The following KRABD2 variants were observed in gnomAD, a reference collection of about 807,000 sequenced individuals.
KRABD2 encodes KRAB domain containing 2, also known as KRAB domain-containing protein 2.
chr17:8,374,387 A>T, the KRABD2 span, among the ~76,000 whole-genome samples: 2 of 152,130 alleles, frequency 1.3e-5, no homozygotes, highest in East Asian at 1.9e-4. Flanking sequence ...GATTAAGGGC[A>T]GTGCAAGATG....
the KRABD2 span, chr17:8,375,886 C>T: frequency 8.1e-7 from 1 of 1,227,326 alleles, no homozygotes; most frequent in Non-Finnish European, 1.0e-6. Flanking sequence ...GCCATGTTTA[C>T]TCCCTTCACC....
chr17:8,362,020 G>A, the KRABD2 span, among the ~76,000 whole-genome samples: 1 of 152,132 alleles, frequency 6.6e-6, no homozygotes, highest in Non-Finnish European at 1.5e-5. This position sits in a 1 kb window ranked among gnomAD's most constrained non-coding sequence, Gnocchi z 4.2. Flanking sequence ...AGGATCGTAA[G>A]GATTACATAA....
chr17:8,373,591 G>A, the KRABD2 span: 3 of 178,662 alleles, frequency 1.7e-5, no homozygotes, highest in South Asian at 1.0e-4. Flanking sequence ...CTGCCCGGCT[G>A]CCACCCCGTC....
the KRABD2 span, chr17:8,369,745 T>G: frequency 3.1e-6 from 5 of 1,614,162 alleles, no homozygotes; most frequent in Non-Finnish European, 4.2e-6. Flanking sequence ...ATAATAAACT[T>G]GGTTGAGTGA....
At chr17:8,363,881 A>AT in the KRABD2 span, among the ~76,000 whole-genome samples, 722 of 63,306 alleles carry the variant, frequency 0.011, 12 homozygotes, top group African/African-American at 0.03. Context: ...TTATTTATTT[A>AT]TTTTTTAGAC....
At chr17:8,363,584 G>A in the KRABD2 span, among the ~76,000 whole-genome samples, 1 of 151,776 alleles carries the variant, frequency 6.6e-6, no homozygotes, top group African/African-American at 2.4e-5. Flanking sequence ...CTGACTTCAG[G>A]TGATCCGTCC....
At chr17:8,359,884 C>A in the KRABD2 span, 3 of 450,570 alleles carry the variant, frequency 6.7e-6, no homozygotes, top group Admixed American at 2.4e-5. Context: ...GAAAGAGAGG[C>A]AAAAACAAGA....
At chr17:8,376,418 A>T in the KRABD2 span, 1 of 1,089,716 alleles carries the variant, frequency 9.2e-7, no homozygotes, top group Non-Finnish European at 1.1e-6. Flanking sequence ...TAAGGCACTT[A>T]ATACAGTGTC....
chr17:8,375,910 T>TC, the KRABD2 span: 1 of 1,229,370 alleles, frequency 8.1e-7, no homozygotes, highest in East Asian at 3.2e-5. Flanking sequence ...CTGTGAGTCT[T>TC]CGCCTTGGCT....
the KRABD2 span, among the ~76,000 whole-genome samples, chr17:8,373,149 C>G: frequency 8.7e-5 from 13 of 150,082 alleles, no homozygotes; most frequent in African/African-American, 1.2e-4. Context: ...CTCTCTCCCT[C>G]TCTCCGTCTC....
At chr17:8,361,988 C>A in the KRABD2 span, among the ~76,000 whole-genome samples, 1 of 152,198 alleles carries the variant, frequency 6.6e-6, no homozygotes. Flanking sequence ...AAACTCATTT[C>A]TTCAGCTTCA....
the KRABD2 span, among the ~76,000 whole-genome samples, chr17:8,375,463 G>A: frequency 6.6e-6 from 1 of 152,116 alleles, no homozygotes; most frequent in Admixed American, 6.5e-5. Context: ...CCAGGACGTC[G>A]GGACCTACTA....
At chr17:8,364,745 T>A in the KRABD2 span, among the ~76,000 whole-genome samples, 4 of 151,762 alleles carry the variant, frequency 2.6e-5, no homozygotes, top group Admixed American at 1.3e-4. This position sits in a 1 kb window ranked among gnomAD's most constrained non-coding sequence, Gnocchi z 4.4. Context: ...AAAAAAAAAA[T>A]TTAAAATGCC....
chr17:8,376,229 T>C, the KRABD2 span: 731 of 1,230,780 alleles, frequency 5.9e-4, 1 homozygote, highest in Non-Finnish European at 7.1e-4. Context: ...AGGTAGGTCG[T>C]TATTAGCAAG....
the KRABD2 span, among the ~76,000 whole-genome samples, chr17:8,373,996 T>TG: frequency 6.7e-6 from 1 of 149,148 alleles, no homozygotes; most frequent in African/African-American, 2.5e-5. Context: ...ATCCAGGAGG[T>TG]GGGGGGCAGC....
the KRABD2 span, chr17:8,369,470 T>G: frequency 6.2e-7 from 1 of 1,614,100 alleles, no homozygotes; most frequent in Non-Finnish European, 8.5e-7. Flanking sequence ...CCCAGTGACA[T>G]GAGTGGTTAC....
At chr17:8,369,965 C>A in the KRABD2 span, 2 of 1,614,228 alleles carry the variant, frequency 1.2e-6, no homozygotes, top group Non-Finnish European at 8.5e-7. Context: ...ATTTTCCTTG[C>A]AGCTCCTTGA....
chr17:8,375,089 G>GC, the KRABD2 span, among the ~76,000 whole-genome samples: 1 of 151,432 alleles, frequency 6.6e-6, no homozygotes, highest in African/African-American at 2.4e-5. Context: ...CCGGCTCACT[G>GC]CCAGCTCCGC....
the KRABD2 span, chr17:8,369,592 A>G: frequency 4.3e-6 from 7 of 1,614,192 alleles, no homozygotes; most frequent in Non-Finnish European, 5.9e-6. Context: ...TCTGGCCACA[A>G]CTCATTGAGC....
Sources: allele counts gnomAD v4.1 joint callset (sites outside exome capture counted in the v4.1 genomes callset), GRCh38; gene constraint gnomAD v4.1.1; non-coding constraint Gnocchi (gnomAD v3.1); transcripts MANE v1.5; gene names NCBI Gene and HGNC (gene_info 2026-07-23, HGNC 2026-07-21).